SCNN1B: variants seen among roughly 807,000 people sequenced by gnomAD.
SCNN1B encodes sodium channel epithelial 1 subunit beta.
Under a neutral mutation model 65.3 loss-of-function variants are expected in SCNN1B, and 46 were observed. That is an observed-to-expected ratio of 0.70 (90% CI 0.56 to 0.90). The LOEUF (loss-of-function observed/expected upper bound fraction) is 0.90, where lower values mean the gene tolerates loss of function less well. SCNN1B is among the 40% of genes least tolerant of loss of function. SCNN1B has a pLI of 0.00. For missense variants in SCNN1B, 751 were observed against 830.5 expected (o/e 0.90, Z 1.18); for synonymous variants, 349 against 330.6 (o/e 1.06, Z -0.60).
chr16:23,369,642 G>T (rs73544468), intron 5 of SCNN1B, among the ~76,000 whole-genome samples: 5 of 152,018 alleles, frequency 3.3e-5, no homozygotes, highest in Admixed American at 6.5e-5. Context: ...CTCATTCAGC[G>T]ACCATCGGGG....
At chr16:23,366,766 C>G (rs755482962) in intron 4 of SCNN1B, among the ~76,000 whole-genome samples, 2 of 152,216 alleles carry the variant, frequency 1.3e-5, no homozygotes, top group African/African-American at 4.8e-5. Flanking sequence ...TCAAGTGATC[C>G]TCCCACTTTG....
chr16:23,326,434 T>A (rs753264222), intron 1 of SCNN1B, among the ~76,000 whole-genome samples: 7 of 152,164 alleles, frequency 4.6e-5, no homozygotes, highest in Non-Finnish European at 8.8e-5. Flanking sequence ...TAGATGCATA[T>A]AAACCCACAT....
chr16:23,281,461 A>AACAACATC (rs1296557949), intron 1 of SCNN1B, among the ~76,000 whole-genome samples: 9 of 152,154 alleles, frequency 5.9e-5, no homozygotes, highest in African/African-American at 2.2e-4. Context: ...AAAACGATGG[A>AACAACATC]ATAAGTTAAG....
chr16:23,349,257 C>G (rs1962258065), intron 2 of SCNN1B, among the ~76,000 whole-genome samples: 1 of 152,108 alleles, frequency 6.6e-6, no homozygotes, highest in African/African-American at 2.4e-5. Flanking sequence ...ACAGAAGGAT[C>G]CCTTGAGGCC....
chr16:23,313,056 T>C (rs901047919), intron 1 of SCNN1B, among the ~76,000 whole-genome samples: 3 of 152,220 alleles, frequency 2.0e-5, no homozygotes, highest in African/African-American at 7.2e-5. Context: ...TCACAGGAAC[T>C]GAAACACTTA....
intron 1 of SCNN1B, among the ~76,000 whole-genome samples, chr16:23,320,637 A>G (rs954941257): frequency 1.3e-5 from 2 of 152,204 alleles, no homozygotes; most frequent in Non-Finnish European, 2.9e-5. Flanking sequence ...CCTCTTCCCC[A>G]TTCCAGGGGG....
In SCNN1B at chr16:23,365,407, GAGAGAAAGAA is replaced by G. The variant is rs1202146400; in HGVS notation, c.777-2436_777-2427del. ...AGGAAGGAAGGAAAAGGAAAGAAAA[GAGAGAAAGAA>G]AGAGAAAGAAAGGAAGGAAGAAAGA... is the stretch of plus-strand genomic sequence containing the variant. On this transcript the variant is annotated intron_variant, in intron 4 of 12. Coordinates refer to ENST00000343070, the MANE Select transcript of SCNN1B (RefSeq NM_000336.3). Among the ~76,000 whole-genome samples, 11 of 143,596 alleles carry G rather than the reference GAGAGAAAGAA, an allele frequency of 7.7e-5. No individual in the cohort carries two copies. The South Asian group carries it at 1.5e-3, about 20-fold the overall frequency. 94.2% of individuals were successfully genotyped at this position (143,596 alleles called of 152,430 possible). A position where few individuals can be genotyped will look rare whatever the true frequency, so the allele number is the denominator to read the frequency against.
At chr16:23,344,313 G>A (rs1209144463) in intron 1 of SCNN1B, among the ~76,000 whole-genome samples, 2 of 152,182 alleles carry the variant, frequency 1.3e-5, no homozygotes, top group East Asian at 3.9e-4. Context: ...AGGTGTTAAG[G>A]AGCTGTTGGT....
chr16:23,374,941 T>A (rs950677960), intron 7 of SCNN1B, among the ~76,000 whole-genome samples: 8 of 152,096 alleles, frequency 5.3e-5, no homozygotes, highest in African/African-American at 1.9e-4. Context: ...GAGCACCTGA[T>A]GTGGCCCTGA....
upstream of SCNN1B, among the ~76,000 whole-genome samples, chr16:23,299,459 C>T (rs538833084): frequency 6.6e-6 from 1 of 152,294 alleles, no homozygotes; most frequent in African/African-American, 2.4e-5. Flanking sequence ...AAAGTGAGGT[C>T]CACAGACCCC....
At position 23,327,555 on chromosome 16, in the gene SCNN1B, A is replaced by C. The variant is rs530460978; in HGVS notation, c.-8-21037A>C. Reference sequence around the variant, plus strand: ...TCTCAAAAATGATAATAATAATAATAATAACTAACCATTTTTCTTAATGGC... The same window carrying C: ...TCTCAAAAATGATAATAATAATAATCATAACTAACCATTTTTCTTAATGGC... On this transcript the variant is annotated intron_variant, in intron 1 of 12. Transcript: ENST00000343070. 3.3e-5 allele frequency among the ~76,000 whole-genome samples: 5 copies of C among 152,182 alleles called. No individual in the cohort carries two copies. In the South Asian group the frequency reaches 1.0e-3, roughly 32 times the overall value.
chr16:23,380,055 G>GGATACATTAGTCCCGGC lies in SCNN1B; in HGVS notation c.1467-38_1467-22dup. 6.8e-7 allele frequency: 1 copy of GGATACATTAGTCCCGGC among 1,468,868 alleles called. No individual in the cohort carries two copies. Among genetic ancestry groups the GGATACATTAGTCCCGGC allele is most frequent in the Non-Finnish European group, 9.5e-7 (1 of 1,047,708 alleles). 91.0% of individuals were successfully genotyped at this position (1,468,868 alleles called of 1,614,324 possible). On this transcript the variant is annotated intron_variant, in intron 11 of 12. Coordinates refer to ENST00000343070, the MANE Select transcript of SCNN1B (RefSeq NM_000336.3). The surrounding 1 kb of genome is among the most constrained non-coding windows in gnomAD (Gnocchi z 5.4). The stretch of plus-strand genomic sequence containing the variant: ...GTGTGTGTCTGTCTGTTTGGAAGGG[G>GGATACATTAGTCCCGGC]GATACATTAGTCCCGGCCCTTCTCG...
chr16:23,293,428 C>T (rs1311875473), intron 2 of SCNN1B, among the ~76,000 whole-genome samples: 3 of 151,974 alleles, frequency 2.0e-5, no homozygotes, highest in African/African-American at 2.4e-5. Context: ...ATAACAAAAA[C>T]GAGTTTGATT....
intron 1 of SCNN1B, among the ~76,000 whole-genome samples, chr16:23,307,862 C>A (rs73542346): frequency 0.062 from 9,491 of 152,162 alleles, 1,001 homozygotes; most frequent in African/African-American, 0.22. Flanking sequence ...CCAGCCCAAG[C>A]AACATAGCAA....
intron 2 of SCNN1B, among the ~76,000 whole-genome samples, chr16:23,285,398 A>C (rs1001383066): frequency 2.6e-5 from 4 of 152,066 alleles, no homozygotes; most frequent in Admixed American, 6.6e-5. Context: ...TCTCAAACTC[A>C]TGGCCTCAAG....
chr16:23,357,952 T>G lies in SCNN1B; in HGVS notation c.776+2463T>G, dbSNP rs889117214. ...CTCAGCTGAAAGAGAGCTGTAACACTGCAACTTCAAGTGCATGGCCCATCT... is the reference window on the plus strand; with the variant it reads ...CTCAGCTGAAAGAGAGCTGTAACACGGCAACTTCAAGTGCATGGCCCATCT... On this transcript the variant is annotated intron_variant, in intron 4 of 12. Transcript: ENST00000343070. Among the ~76,000 whole-genome samples, 7 of 152,220 alleles carry G rather than the reference T, an allele frequency of 4.6e-5. No homozygotes were observed. In the East Asian group the frequency reaches 1.3e-3, roughly 29 times the overall value.
At chr16:23,306,361 T>A (rs986605058) in intron 1 of SCNN1B, among the ~76,000 whole-genome samples, 3 of 152,168 alleles carry the variant, frequency 2.0e-5, no homozygotes, top group Non-Finnish European at 2.9e-5. Flanking sequence ...TGTTGGGCAT[T>A]AAATGAGTCA....
In SCNN1B at chr16:23,371,471, G is replaced by A. The variant is rs368025650; in HGVS notation, c.1044+9G>A. The stretch of plus-strand genomic sequence containing the variant: ...CCATCGGGGTACTCGTGGTATGGCC[G>A]GAGCCCAAGGGCAGTCCTAGAGGGT... On this transcript the variant is annotated intron_variant, in intron 6 of 12. Transcript: ENST00000343070. 59 of 1,612,984 alleles carry A rather than the reference G, an allele frequency of 3.7e-5. No individual in the cohort carries two copies. In the African/African-American group the frequency reaches 5.1e-4, roughly 14 times the overall value.
intron 1 of SCNN1B, among the ~76,000 whole-genome samples, chr16:23,328,520 T>C (rs989048715): frequency 6.6e-6 from 1 of 152,290 alleles, no homozygotes; most frequent in East Asian, 1.9e-4. Flanking sequence ...TTCACTCCAA[T>C]CTTTGGTCTG....
Sources: gnomAD v4.1 joint callset for allele counts (sites outside exome capture counted in the v4.1 genomes callset) on GRCh38, gnomAD v4.1.1 for gene constraint, Gnocchi (gnomAD v3.1) non-coding constraint, MANE v1.5 for transcripts, NCBI Gene and HGNC (gene_info 2026-07-23, HGNC 2026-07-21) for gene names.